GRAMD1B: variants seen among roughly 807,000 people sequenced by gnomAD.
GRAMD1B encodes the protein protein Aster-B.
Under a neutral mutation model 99.7 loss-of-function variants are expected in GRAMD1B, and 37 were observed. That is an observed-to-expected ratio of 0.37 (90% CI 0.29 to 0.49). The LOEUF is 0.49. Among genes scored for constraint, GRAMD1B ranks in the 20% least tolerant of loss-of-function variants. The pLI is 0.98. For synonymous variants in GRAMD1B, 427 were observed against 387.6 expected, an observed-to-expected ratio of 1.10 and a Z score of -1.19; for missense variants, 888 against 1,009.2, an observed-to-expected ratio of 0.88 and a Z score of 1.63.
In GRAMD1B at chr11:123,591,757, GC is replaced by G; in HGVS notation, c.685-2322del. Among the ~76,000 whole-genome samples, 1 of 152,296 alleles carries G rather than the reference GC, an allele frequency of 6.6e-6. No individual in the cohort carries two copies. The highest frequency in any genetic ancestry group is 2.1e-4 in the South Asian group (1 of 4,828). The stretch of plus-strand genomic sequence containing the variant: ...GCTTCGAGAGGCTGCATGGTGGCAG[GC>G]CCAGCATGCCCAACTGATGAGCCTG... On this transcript the variant is annotated intron_variant, in intron 4 of 19. Transcript: ENST00000635736. The surrounding 1 kb of genome is among the most constrained non-coding windows in gnomAD (Gnocchi z 4.7).
intron 2 of GRAMD1B, among the ~76,000 whole-genome samples, chr11:123,532,126 T>C (rs944165118): frequency 2.0e-5 from 3 of 152,144 alleles, no homozygotes; most frequent in Non-Finnish European, 4.4e-5. Context: ...TACCATTCCC[T>C]CCCCCTTTCA....
At chr11:123,402,198 T>C (rs1221412769) in intron 1 of GRAMD1B, among the ~76,000 whole-genome samples, 1 of 152,106 alleles carries the variant, frequency 6.6e-6, no homozygotes, top group Admixed American at 6.5e-5. Context: ...GTATTTTTAG[T>C]AGAGACAGGG....
At chr11:123,415,095 C>CTTTTTT (rs1175202539) in intron 1 of GRAMD1B, among the ~76,000 whole-genome samples, 27 of 75,814 alleles carry the variant, frequency 3.6e-4, no homozygotes, top group African/African-American at 4.2e-4. Flanking sequence ...CTTTTTCTTT[C>CTTTTTT]TTTTTTTTTT....
At chr11:123,397,545 T>C (rs1025019432) in intron 1 of GRAMD1B, among the ~76,000 whole-genome samples, 1 of 152,202 alleles carries the variant, frequency 6.6e-6, no homozygotes, top group African/African-American at 2.4e-5. Context: ...AGGCTCTCAC[T>C]CAGGCTGGAG....
chr11:123,500,115 G>A (rs181567733), intron 2 of GRAMD1B, among the ~76,000 whole-genome samples: 16 of 152,266 alleles, frequency 1.1e-4, no homozygotes, highest in Non-Finnish European at 2.1e-4. Context: ...ATCACTTGAG[G>A]TTCGAGACTA....
At position 123,410,218 on chromosome 11, in the gene GRAMD1B, C is replaced by CA. The variant is rs200368596; in HGVS notation, c.-176+51426dup. On this transcript the variant is annotated intron_variant, in intron 1 of 20. Coordinates refer to the GRAMD1B transcript ENST00000638157. ...ATAAAAGCAAAAACAAAAACAAAAA[C>CA]AAAAAAACAGAAACAAAAACAAACA... Among the ~76,000 whole-genome samples, 1,197 of 150,052 alleles carry CA rather than the reference C, an allele frequency of 8.0e-3. 14 individuals carry two copies. The highest frequency in any genetic ancestry group is 0.028 in the African/African-American group (1,135 of 40,742).
chr11:123,569,718 T>G (rs2136124550), intron 2 of GRAMD1B, among the ~76,000 whole-genome samples: 1 of 152,322 alleles, frequency 6.6e-6, no homozygotes, highest in South Asian at 2.1e-4. Context: ...TATAAAGAAC[T>G]GAGAAAGATT....
chr11:123,426,380 C>T (rs542545983), upstream of GRAMD1B, among the ~76,000 whole-genome samples: 20 of 152,356 alleles, frequency 1.3e-4, no homozygotes, highest in African/African-American at 4.8e-4. Context: ...CCATGCTGCA[C>T]TCTACAGAAA....
chr11:123,510,720 G>A lies in GRAMD1B; in HGVS notation c.452+29827G>A, dbSNP rs1315531113. 6.6e-6 allele frequency among the ~76,000 whole-genome samples: 1 copy of A among 152,184 alleles called. No individual in the cohort carries two copies. The highest frequency in any genetic ancestry group is 2.4e-5 in the African/African-American group (1 of 41,440). On this transcript the variant is annotated intron_variant, in intron 2 of 19. Coordinates refer to ENST00000635736, the MANE Select transcript of GRAMD1B (RefSeq NM_001387025.1). The surrounding 1 kb of genome is among the most constrained non-coding windows in gnomAD (Gnocchi z 4.3). ...AGGTAGGATGGAAATGCTGCCGGCC[G>A]CACTGTGCGTAAGTGGCTTCGCTTG...
chr11:123,540,519 ACAT>A (rs1944404821), intron 2 of GRAMD1B, among the ~76,000 whole-genome samples: 1 of 152,184 alleles, frequency 6.6e-6, no homozygotes, highest in South Asian at 2.1e-4. Flanking sequence ...GAGTTCTCTT[ACAT>A]ATGTCTTCTC....
chr11:123,409,372 C>T (rs2135960085), intron 1 of GRAMD1B, among the ~76,000 whole-genome samples: 1 of 152,294 alleles, frequency 6.6e-6, no homozygotes, highest in African/African-American at 2.4e-5. Context: ...GGGCTGTGTA[C>T]ATACAGACGT....
chr11:123,620,681 C>T (rs533193286), intron 19 of GRAMD1B, among the ~76,000 whole-genome samples: 1 of 152,126 alleles, frequency 6.6e-6, no homozygotes, highest in South Asian at 2.1e-4. Context: ...GAAGGGAACA[C>T]GAGGGTGAGG....
At chr11:123,464,154 T>G (rs1375003793) in intron 1 of GRAMD1B, among the ~76,000 whole-genome samples, 3 of 148,410 alleles carry the variant, frequency 2.0e-5, no homozygotes, top group African/African-American at 7.4e-5. Flanking sequence ...AAAAAAAAAA[T>G]TTAGCTGGGT....
intron 1 of GRAMD1B, among the ~76,000 whole-genome samples, chr11:123,451,809 AT>A (rs952230491): frequency 6.6e-6 from 1 of 151,018 alleles, no homozygotes; most frequent in African/African-American, 2.4e-5. Flanking sequence ...TAGTTTATTT[AT>A]TATTCATTCA....
chr11:123,512,338 G>A (rs1241905806), intron 2 of GRAMD1B, among the ~76,000 whole-genome samples: 2 of 152,218 alleles, frequency 1.3e-5, no homozygotes, highest in East Asian at 3.8e-4. Context: ...TCAGGGGATG[G>A]TGGTGGCAAG....
chr11:123,601,261 G>A (rs1415735427), intron 8 of GRAMD1B, among the ~76,000 whole-genome samples: 5 of 152,060 alleles, frequency 3.3e-5, no homozygotes, highest in East Asian at 1.9e-4. Context: ...CAGCCACCAC[G>A]AATTGACTAG....
intron 19 of GRAMD1B, among the ~76,000 whole-genome samples, chr11:123,620,709 A>ACATGTCAAGGGTTAGACTTGT (rs1475338083): frequency 1.3e-5 from 2 of 152,222 alleles, no homozygotes; most frequent in Non-Finnish European, 2.9e-5. Flanking sequence ...GGTGGCCTTC[A>ACATGTCAAGGGTTAGACTTGT]GACACCCAGG....
intron 1 of GRAMD1B, among the ~76,000 whole-genome samples, chr11:123,383,860 A>G (rs1946969730): frequency 6.6e-6 from 1 of 150,904 alleles, no homozygotes; most frequent in African/African-American, 2.4e-5. Context: ...ATCCATCTTT[A>G]TTTTTATTTT....
intron 2 of GRAMD1B, among the ~76,000 whole-genome samples, chr11:123,519,239 C>G (rs1328873672): frequency 6.6e-6 from 1 of 152,208 alleles, no homozygotes; most frequent in Non-Finnish European, 1.5e-5. Flanking sequence ...GCCTGCAGCC[C>G]ACACTGTCAC....
Sources: gnomAD v4.1 joint callset for allele counts (sites outside exome capture counted in the v4.1 genomes callset) on GRCh38, gnomAD v4.1.1 for gene constraint, Gnocchi (gnomAD v3.1) non-coding constraint, MANE v1.5 for transcripts, NCBI Gene and HGNC (gene_info 2026-07-23, HGNC 2026-07-21) for gene names.